The following ORC4 variants were observed in gnomAD, a reference collection of about 807,000 sequenced individuals.
The protein encoded by ORC4 is origin recognition complex subunit 4, also known as origin recognition complex, subunit 4 homolog.
In ORC4, 55 loss-of-function variants were observed where a neutral mutation model predicts 63.9. The ratio of observed to expected loss-of-function variants is 0.86; its 90% CI spans 0.69 to 1.08. The LOEUF (loss-of-function observed/expected upper bound fraction) is 1.08, where lower values mean the gene tolerates loss of function less well. Ranked by LOEUF, ORC4 falls within the 50% of genes least tolerant of loss-of-function variation. The pLI, the probability that ORC4 is intolerant of heterozygous loss-of-function variation, is 0.00. For missense variants in ORC4, 511 were observed against 504.4 expected (o/e 1.01, Z -0.13); for synonymous variants, 150 against 168.5 (o/e 0.89, Z 0.85).
At chr2:148,019,084 T>C (rs1312687750) in intron 1 of ORC4, among the ~76,000 whole-genome samples, 4 of 151,950 alleles carry the variant, frequency 2.6e-5, no homozygotes, top group Admixed American at 6.6e-5. Context: ...TGGCAGACAA[T>C]TGGTTACACT....
At chr2:148,000,521 A>T (rs1004224862) in intron 1 of ORC4, among the ~76,000 whole-genome samples, 2 of 152,140 alleles carry the variant, frequency 1.3e-5, no homozygotes, top group Non-Finnish European at 2.9e-5. Flanking sequence ...ATATAATACC[A>T]CAGAACACTT....
chr2:148,016,497 C>T (rs1184673990), intron 1 of ORC4, among the ~76,000 whole-genome samples: 1 of 152,202 alleles, frequency 6.6e-6, no homozygotes, highest in African/African-American at 2.4e-5. Flanking sequence ...GCACACTGCA[C>T]AACCAACACT....
intron 7 of ORC4, among the ~76,000 whole-genome samples, 185 bp downstream of exon 7, chr2:147,955,162 C>G (rs1689175322): frequency 6.6e-6 from 1 of 151,226 alleles, no homozygotes; most frequent in African/African-American, 2.4e-5. Context: ...AGATAAGAAA[C>G]CAAATGCTAA....
At chr2:147,978,875 C>G (rs139710938) in intron 1 of ORC4, among the ~76,000 whole-genome samples, 21 of 152,212 alleles carry the variant, frequency 1.4e-4, no homozygotes, top group African/African-American at 4.3e-4. Context: ...ACTGACTCAA[C>G]AGATACAGAA....
At chr2:148,018,291 G>T (rs1052924158) in intron 1 of ORC4, among the ~76,000 whole-genome samples, 1 of 152,118 alleles carries the variant, frequency 6.6e-6, no homozygotes, top group South Asian at 2.1e-4. Context: ...ATCAAGTTGG[G>T]AAAAAGGAAA....
intron 1 of ORC4, among the ~76,000 whole-genome samples, chr2:148,017,030 T>C (rs1693341058): frequency 6.6e-6 from 1 of 152,206 alleles, no homozygotes; most frequent in African/African-American, 2.4e-5. Context: ...GTCTGCATTA[T>C]GAAACTTCTA....
rs367556350 is a variant in ORC4 at position 148,004,416 on chromosome 2, T to C, written c.-18+16217A>G. ...CATAGTACTGGTACCAAAACAGATATACAGACCAATGGAACAGAACAGAGT... is the reference window on the plus strand; with the variant it reads ...CATAGTACTGGTACCAAAACAGATACACAGACCAATGGAACAGAACAGAGT... On this transcript the variant is annotated intron_variant, in intron 1 of 13. Transcript: ENST00000392857. Among the ~76,000 whole-genome samples the C allele has an allele frequency of 7.2e-5, 11 of 152,202 alleles. No individual in the cohort carries two copies. The East Asian group carries it at 1.4e-3, about 19-fold the overall frequency.
intron 1 of ORC4, among the ~76,000 whole-genome samples, chr2:148,017,148 C>G (rs1693348579): frequency 6.6e-6 from 1 of 152,162 alleles, no homozygotes; most frequent in Admixed American, 6.5e-5. Flanking sequence ...AAAGTACTGT[C>G]CAGCAGCAAT....
At chr2:147,987,594 T>A (rs1558863772) in intron 1 of ORC4, among the ~76,000 whole-genome samples, 2 of 151,972 alleles carry the variant, frequency 1.3e-5, no homozygotes, top group Non-Finnish European at 2.9e-5. Context: ...TAACACTGTG[T>A]ACCCAAAAAA....
intron 2 of ORC4, among the ~76,000 whole-genome samples, 169 bp downstream of exon 2, chr2:147,975,733 C>T (rs1304634848): frequency 1.3e-5 from 2 of 152,104 alleles, no homozygotes; most frequent in East Asian, 1.9e-4. Flanking sequence ...ATTGTTCTTA[C>T]GACCTTGTGC....
At chr2:147,988,250 A>T (rs1056165308) in intron 1 of ORC4, among the ~76,000 whole-genome samples, 3 of 152,070 alleles carry the variant, frequency 2.0e-5, no homozygotes, top group Non-Finnish European at 1.5e-5. Context: ...CAATAACAAG[A>T]AGGGGTTCCG....
chr2:147,951,813 G>A (rs1294501298), intron 8 of ORC4, among the ~76,000 whole-genome samples: 1 of 152,114 alleles, frequency 6.6e-6, no homozygotes, highest in Non-Finnish European at 1.5e-5. Context: ...GCTGTCCAAA[G>A]GTACACATGG....
chr2:147,955,858 TG>T (rs1350425334), intron 6 of ORC4, among the ~76,000 whole-genome samples: 2 of 151,930 alleles, frequency 1.3e-5, no homozygotes, highest in Non-Finnish European at 2.9e-5. Flanking sequence ...TGAATTTAAA[TG>T]AGAAACAAAA....
intron 4 of ORC4, among the ~76,000 whole-genome samples, chr2:147,962,341 G>A (rs1159538599): frequency 6.6e-6 from 1 of 152,078 alleles, no homozygotes; most frequent in Non-Finnish European, 1.5e-5. Context: ...TGAGAATAAG[G>A]TATGCACTCT....
chr2:147,938,499 G>A lies in ORC4; in HGVS notation c.959-106C>T, dbSNP rs1167460031. On this transcript the variant is annotated intron_variant, in intron 11 of 13. Transcript: ENST00000392857. The stretch of plus-strand genomic sequence containing the variant: ...TGAAAGATCTATGGTTCTGAGGGGT[G>A]AAGAAGGTCAAGATTCTTCTAGATT... 2.1e-5 allele frequency: 15 copies of A among 731,122 alleles called. No homozygotes were observed. The South Asian group carries it at 2.2e-4, about 11-fold the overall frequency. The allele number at this position is 731,122 out of a possible 1,614,324, so 45.3% of individuals were successfully genotyped here. A position where few individuals can be genotyped will look rare whatever the true frequency, so the allele number is the denominator to read the frequency against.
intron 7 of ORC4, among the ~76,000 whole-genome samples, chr2:147,953,109 C>A (rs1294291988): frequency 2.0e-5 from 3 of 150,528 alleles, no homozygotes; most frequent in Non-Finnish European, 4.4e-5. Context: ...GTAGGTGGAT[C>A]ACCTAAGGTC....
At chr2:147,948,449 A>C (rs1156644573) in intron 8 of ORC4, among the ~76,000 whole-genome samples, 1 of 152,058 alleles carries the variant, frequency 6.6e-6, no homozygotes, top group Non-Finnish European at 1.5e-5. Context: ...TGTTACTCTC[A>C]GCTAATCTGT....
At chr2:147,958,188 A>G (rs948601056) in intron 6 of ORC4, 110 bp downstream of exon 6, 1 of 679,110 alleles carries the variant, frequency 1.5e-6, no homozygotes, top group Admixed American at 2.7e-5. Flanking sequence ...ATATATTTCA[A>G]TTAAGAATTT....
At chr2:147,943,626 C>G (rs1322315993) in intron 9 of ORC4, 104 bp from the exon 10 acceptor site, 2 of 679,340 alleles carry the variant, frequency 2.9e-6, no homozygotes, top group Non-Finnish European at 5.2e-6. Context: ...GTAACTCTAT[C>G]TAATATTAAT....
Sources: allele counts gnomAD v4.1 joint callset (sites outside exome capture counted in the v4.1 genomes callset), GRCh38; gene constraint gnomAD v4.1.1; transcripts MANE v1.5; gene names NCBI Gene and HGNC (gene_info 2026-07-23, HGNC 2026-07-21).